The following ITGB6 variants were observed in gnomAD, a reference collection of about 807,000 sequenced individuals.
ITGB6 encodes the protein integrin subunit beta 6.
Under a neutral mutation model 84.5 loss-of-function variants are expected in ITGB6, and 80 were observed. The observed-to-expected ratio is 0.95, with a 90% confidence interval of 0.79 to 1.14. ITGB6 has a LOEUF of 1.14. Ranked by LOEUF, ITGB6 falls within the 50% of genes most tolerant of loss-of-function variation. ITGB6 has a pLI of 0.00. For synonymous variants in ITGB6, 383 were observed against 354.9 expected (o/e 1.08, Z -0.89); for missense variants, 1,006 against 968.0 (o/e 1.04, Z -0.52).
intron 7 of ITGB6, among the ~76,000 whole-genome samples, chr2:160,164,081 A>G (rs182628573): frequency 1.4e-4 from 21 of 152,346 alleles, no homozygotes; most frequent in African/African-American, 5.0e-4. Flanking sequence ...ATTGACAGAC[A>G]TGAAAACTCT....
chr2:160,099,821 C>A lies in ITGB6; in HGVS notation c.*1915G>T, dbSNP rs1002088581. ...GCCTTTCCAAGGTCCTGCCTGGGGT[C>A]AAAACAGTATTCAGAGAAAGAGCAG... On this transcript the variant is annotated 3_prime_UTR_variant, in exon 15 of 15. Coordinates refer to ENST00000283249, the MANE Select transcript of ITGB6 (RefSeq NM_000888.5). 4.6e-5 allele frequency: 7 copies of A among 152,036 alleles called. No individual in the cohort carries two copies. The highest frequency in any genetic ancestry group is 1.3e-4 in the Admixed American group (2 of 15,256). 9.4% of individuals were successfully genotyped at this position (152,036 alleles called of 1,614,324 possible). A position where few individuals can be genotyped will look rare whatever the true frequency, so the allele number is the denominator to read the frequency against.
chr2:160,114,094 C>G (rs1296767075), intron 12 of ITGB6, among the ~76,000 whole-genome samples: 2 of 152,130 alleles, frequency 1.3e-5, no homozygotes, highest in African/African-American at 4.8e-5. Context: ...AATAGCTGCA[C>G]TGAAGCCTAG....
chr2:160,171,609 T>C (rs1476474975), intron 6 of ITGB6, among the ~76,000 whole-genome samples: 25 of 152,188 alleles, frequency 1.6e-4, no homozygotes, highest in Non-Finnish European at 2.9e-5. Flanking sequence ...GCTGGGATTA[T>C]AGGCGTGAGC....
intron 11 of ITGB6, among the ~76,000 whole-genome samples, 155 bp downstream of exon 11, chr2:160,126,224 A>C (rs575765931): frequency 6.6e-6 from 1 of 152,336 alleles, no homozygotes; most frequent in South Asian, 2.1e-4. Flanking sequence ...CAGGCTGAAG[A>C]TCACAGAGGC....
chr2:160,137,052 TA>T (rs1377896551), intron 10 of ITGB6, among the ~76,000 whole-genome samples: 61 of 88,580 alleles, frequency 6.9e-4, no homozygotes, highest in Admixed American at 1.2e-3. Context: ...AAAGTATAAA[TA>T]AAAAAAAAAA....
chr2:160,102,888 A>C (rs1385187845), intron 14 of ITGB6, among the ~76,000 whole-genome samples: 1 of 152,184 alleles, frequency 6.6e-6, no homozygotes, highest in Non-Finnish European at 1.5e-5. Context: ...CGTCCAGGTA[A>C]AGTATTTTAG....
chr2:160,177,793 T>G (rs1012702600), intron 4 of ITGB6, among the ~76,000 whole-genome samples: 3 of 152,212 alleles, frequency 2.0e-5, no homozygotes, highest in African/African-American at 4.8e-5. Flanking sequence ...ATGCAGTATA[T>G]TTCTTAATTG....
rs1253856139 is a variant in ITGB6, at chr2:160,137,852, C to T, written c.1243-1G>A. Reference sequence around the variant, plus strand: ...TATTCACAGTCACGCTGAAGGAAGCCTGGAAAAGAAAATACTAATTATCTC... The same window carrying T: ...TATTCACAGTCACGCTGAAGGAAGCTTGGAAAAGAAAATACTAATTATCTC... On this transcript the variant is annotated splice_acceptor_variant, in intron 9 of 14. Coordinates refer to ENST00000283249, the MANE Select transcript of ITGB6 (RefSeq NM_000888.5). LOFTEE classifies it high-confidence loss of function. 3 of 1,612,122 alleles carry T rather than the reference C, an allele frequency of 1.9e-6. No individual in the cohort carries two copies. Among genetic ancestry groups the T allele is most frequent in the Non-Finnish European group, 2.5e-6 (3 of 1,178,516 alleles).
chr2:160,114,718 G>A (rs986734747), intron 12 of ITGB6, among the ~76,000 whole-genome samples: 3 of 152,226 alleles, frequency 2.0e-5, no homozygotes, highest in Non-Finnish European at 4.4e-5. Context: ...CCTCACTCGG[G>A]AAGCACAAGG....
Position 160,138,183 on chromosome 2 carries a change from A to G in ITGB6, c.1124T>C (p.Val375Ala), listed in dbSNP as rs1683841477. 2 of 1,609,826 alleles carry G rather than the reference A, an allele frequency of 1.2e-6. No homozygotes were observed. Among genetic ancestry groups the G allele is most frequent in the African/African-American group, 2.7e-5 (2 of 74,658 alleles). The change falls in exon 9 of 15, where the codon GTG becomes GCG. Residue 375 changes from valine (V) to alanine (A), a missense_variant. By Grantham distance (64) the Val-to-Ala change is moderately conservative. Coordinates refer to ENST00000283249, the MANE Select transcript of ITGB6 (RefSeq NM_000888.5). Reference sequence around the variant, plus strand: ...AGTGTCTCCTAATACTTCCAGTTCCACCTCAGACCGCAGTTCCTTTAGTTA... The same window carrying G: ...AGTGTCTCCTAATACTTCCAGTTCCGCCTCAGACCGCAGTTCCTTTAGTTA... ...ISAYEELRSE[V>A]ELEVLGDTEG...
chr2:160,172,000 T>C (rs1685223230), intron 6 of ITGB6, among the ~76,000 whole-genome samples: 1 of 152,210 alleles, frequency 6.6e-6, no homozygotes, highest in East Asian at 1.9e-4. Context: ...GCTGGATACA[T>C]AGGGGTCTAT....
At chr2:160,157,444 G>A (rs1472082945) in intron 7 of ITGB6, among the ~76,000 whole-genome samples, 1 of 152,142 alleles carries the variant, frequency 6.6e-6, no homozygotes, top group East Asian at 1.9e-4. Context: ...GGTGTTGACT[G>A]TATAGCCACG....
At chr2:160,163,706 G>T (rs1279152110) in intron 7 of ITGB6, among the ~76,000 whole-genome samples, 1 of 152,018 alleles carries the variant, frequency 6.6e-6, no homozygotes, top group African/African-American at 2.4e-5. Context: ...ACTATAGCAG[G>T]TTCAATTGTG....
chr2:160,119,089 T>C (rs375196641), intron 12 of ITGB6, among the ~76,000 whole-genome samples: 6 of 152,182 alleles, frequency 3.9e-5, no homozygotes, highest in African/African-American at 1.2e-4. Context: ...GGCCATACTG[T>C]CCAAGGTAAT....
At chr2:160,102,591 G>A (rs1198379316) in intron 14 of ITGB6, among the ~76,000 whole-genome samples, 1 of 152,240 alleles carries the variant, frequency 6.6e-6, no homozygotes, top group Admixed American at 6.5e-5. Flanking sequence ...GGAAGGTTGG[G>A]TGTGGGACTC....
chr2:160,137,998 A>C, intron 9 of ITGB6, 67 bp downstream of exon 9: 2 of 1,540,896 alleles, frequency 1.3e-6, no homozygotes, highest in South Asian at 2.5e-5. Context: ...ATCCAGCTTC[A>C]GTGAGCTCAG....
intron 12 of ITGB6, among the ~76,000 whole-genome samples, chr2:160,122,478 A>C (rs1464369463): frequency 6.6e-6 from 1 of 152,176 alleles, no homozygotes; most frequent in East Asian, 1.9e-4. Flanking sequence ...CGCGTTTCTC[A>C]GAAACACTTG....
chr2:160,194,771 C>A (rs1686268286), intron 4 of ITGB6, among the ~76,000 whole-genome samples: 1 of 152,116 alleles, frequency 6.6e-6, no homozygotes, highest in Non-Finnish European at 1.5e-5. Flanking sequence ...CCATCACCTG[C>A]ATAATGTGTG....
chr2:160,123,806 T>G lies in ITGB6; in HGVS notation c.1966A>C (p.Ile656Leu). 6.2e-7 allele frequency: 1 copy of G among 1,613,760 alleles called. No homozygotes were observed. The highest frequency in any genetic ancestry group is 8.5e-7 in the Non-Finnish European group (1 of 1,179,700). The change falls in exon 12 of 15, where the codon ATC becomes CTC. Residue 656 changes from isoleucine to leucine, a missense_variant. Coordinates refer to ENST00000283249, the MANE Select transcript of ITGB6 (RefSeq NM_000888.5). ...VDKCKLAGAT[I>L]SEEEDFSKDG... ...CAAGCAGAACCTTCTTCTTCACTGA[T>G]GGTCGCACCAGCTAGTTTGCACTTG...
Sources: allele counts gnomAD v4.1 joint callset (sites outside exome capture counted in the v4.1 genomes callset), GRCh38; gene constraint gnomAD v4.1.1; transcripts MANE v1.5; gene names NCBI Gene and HGNC (gene_info 2026-07-23, HGNC 2026-07-21).